Variants in TRIM10 observed in about 807,000 individuals in gnomAD.
TRIM10 encodes tripartite motif containing 10, also known as tripartite motif-containing protein 10.
TRIM10 carries 42 observed loss-of-function variants against 40.0 expected under a neutral mutation model. The observed-to-expected ratio is 1.05, with a 90% confidence interval of 0.82 to 1.36. TRIM10 has a LOEUF of 1.36. Ranked by LOEUF, TRIM10 falls within the 40% of genes most tolerant of loss-of-function variation. The probability of loss-of-function intolerance (pLI) is 0.00; values close to 1 mark genes in which losing one functional copy is unlikely to be tolerated. For missense variants in TRIM10, 601 were observed against 608.3 expected (o/e 0.99, Z 0.13); for synonymous variants, 260 against 239.5 (o/e 1.09, Z -0.79).
chr6:30,160,156 A>G (rs1477188342), intron 1 of TRIM10, among the ~76,000 whole-genome samples: 2 of 152,196 alleles, frequency 1.3e-5, no homozygotes, highest in African/African-American at 2.4e-5. Flanking sequence ...CACCTGATCC[A>G]TGGCACAGAC....
Position 30,160,749 on chromosome 6 carries a change from C to A in TRIM10, c.110G>T (p.Arg37Leu). 6.2e-7 allele frequency: 1 copy of A among 1,614,164 alleles called. No individual in the cohort carries two copies. Residue 37 changes from arginine (R) to leucine (L), a missense_variant, in exon 1 of 7, where the codon CGG (arginine) becomes CTG (leucine). Physicochemically the swap from Arg to Leu is moderately radical, Grantham distance 102. Coordinates refer to ENST00000449742, the MANE Select transcript of TRIM10 (RefSeq NM_006778.4). ...VTIDCGHNFC[R>L]ACLTRYCEIP... ...CTCACAGTAGCGGGTAAGGCAGGCC[C>A]GGCAGAAGTTGTGGCCGCAGTCGAT... is the stretch of plus-strand genomic sequence containing the variant.
chr6:30,158,216 GC>G (rs1222766424), intron 3 of TRIM10, among the ~76,000 whole-genome samples, 182 bp downstream of exon 3: 3 of 152,172 alleles, frequency 2.0e-5, no homozygotes, highest in South Asian at 4.1e-4. Context: ...AGACCAGAGA[GC>G]AAAAAGTGAC....
At chr6:30,162,637 G>C (rs902873974), upstream of TRIM10, among the ~76,000 whole-genome samples, 2 of 152,194 alleles carry the variant, frequency 1.3e-5, no homozygotes, top group African/African-American at 4.8e-5. Context: ...TGAGGTGTGG[G>C]AGGAGCGTAG....
In TRIM10 at chr6:30,158,636, GGGCAGGA is replaced by G; in HGVS notation, c.526-14_526-8del. ...TCTTGGTGGACACCTGAGTCTGAGG[GGGCAGGA>G]GGCAAGCCCAAGAGAAAGTTTGCTT... On this transcript the variant is annotated splice_region_variant and splice_polypyrimidine_tract_variant and intron_variant, in intron 2 of 6. Transcript: ENST00000449742. 1 of 1,611,894 alleles carries G rather than the reference GGGCAGGA, an allele frequency of 6.2e-7. No individual in the cohort carries two copies. Among genetic ancestry groups the G allele is most frequent in the South Asian group, 1.1e-5 (1 of 91,038 alleles).
chr6:30,159,082 G>T, intron 2 of TRIM10, 68 bp downstream of exon 2: 2 of 1,014,406 alleles, frequency 2.0e-6, no homozygotes, highest in Non-Finnish European at 3.1e-6. Flanking sequence ...AATCTATGTT[G>T]CCTCAGTTTC....
intron 1 of TRIM10, among the ~76,000 whole-genome samples, chr6:30,159,544 T>C (rs1772885638): frequency 6.6e-6 from 1 of 152,186 alleles, no homozygotes; most frequent in Non-Finnish European, 1.5e-5. Flanking sequence ...GTGTTTTGCT[T>C]CGGGTAAGTG....
Position 30,160,415 on chromosome 6 carries a change from G to C in TRIM10, c.429+15C>G. 6.2e-7 allele frequency: 1 copy of C among 1,608,306 alleles called. No individual in the cohort carries two copies. On this transcript the variant is annotated intron_variant, in intron 1 of 6. Coordinates refer to ENST00000449742, the MANE Select transcript of TRIM10 (RefSeq NM_006778.4). ...GTCCAGTCCACCCTGGGATCCCCCA[G>C]TTCCCCTTTCCTACCCTATAGGGAG...
At chr6:30,163,541 C>CCTCTCTCT, upstream of TRIM10, 3 of 1,080,830 alleles carry the variant, frequency 2.8e-6, no homozygotes, top group South Asian at 1.8e-5. Context: ...GGCATTCTTG[C>CCTCTCTCT]CTCTCTCTCT....
At chr6:30,157,334 A>G (rs1039886609) in intron 4 of TRIM10, 35 bp downstream of exon 4, 2 of 1,564,922 alleles carry the variant, frequency 1.3e-6, no homozygotes, top group Non-Finnish European at 1.7e-6. Context: ...GTATATTTAT[A>G]TGGAAAAAGA....
At position 30,154,091 on chromosome 6, in the gene TRIM10, C is replaced by T. The variant is rs755372458; in HGVS notation, c.1324G>A (p.Val442Met). Residue 442 changes from valine to methionine, a missense_variant, in exon 7 of 7, where the codon GTG becomes ATG. Transcript: ENST00000449742. The stretch of plus-strand genomic sequence containing the variant: ...CGGGTGACAGCGTTGGTGAAGGTCA[C>T]CCAGCCCACCTCATAGTCAAGAGAC... ...RVSLDYEVGW[V>M]TFTNAVTREP... 6 of 1,612,916 alleles carry T rather than the reference C, an allele frequency of 3.7e-6. No individual in the cohort carries two copies. The highest frequency in any genetic ancestry group is 5.1e-6 in the Non-Finnish European group (6 of 1,180,008).
At position 30,160,889 on chromosome 6, in the gene TRIM10, C is replaced by A; in HGVS notation, c.-31G>T. On this transcript the variant is annotated 5_prime_UTR_variant, in exon 1 of 7. Coordinates refer to ENST00000449742, the MANE Select transcript of TRIM10 (RefSeq NM_006778.4). ...TCCTGCTGCTATGGCTTCCTCAAGG[C>A]CACTCTCTCTGCTTGGCCACGGGGG... 1.3e-6 allele frequency: 2 copies of A among 1,565,592 alleles called. No individual in the cohort carries two copies. Among genetic ancestry groups the A allele is most frequent in the South Asian group, 1.2e-5 (1 of 85,194 alleles).
upstream of TRIM10, chr6:30,163,826 G>A (rs765087645): frequency 3.1e-6 from 5 of 1,612,928 alleles, no homozygotes; most frequent in Admixed American, 1.7e-5. Context: ...CCAGATGGGG[G>A]CCCAATCCTC....
In TRIM10 at chr6:30,154,500, C is replaced by A; in HGVS notation, c.929-14G>T. ...GAGAAATGTGAGCTGTGGGGATAAC[C>A]AAAAGGGACAGATGTCAGCAGACAT... On this transcript the variant is annotated splice_polypyrimidine_tract_variant and intron_variant, in intron 6 of 6. Coordinates refer to ENST00000449742, the MANE Select transcript of TRIM10 (RefSeq NM_006778.4). 1 of 1,606,104 alleles carries A rather than the reference C, an allele frequency of 6.2e-7. No individual in the cohort carries two copies. Among genetic ancestry groups the A allele is most frequent in the South Asian group, 1.1e-5 (1 of 90,916 alleles).
upstream of TRIM10, among the ~76,000 whole-genome samples, chr6:30,161,841 T>A (rs1773116450): frequency 6.6e-6 from 1 of 152,200 alleles, no homozygotes; most frequent in Non-Finnish European, 1.5e-5. Flanking sequence ...ATAAAAATAG[T>A]CTAAACAGGT....
At position 30,160,346 on chromosome 6, in the gene TRIM10, G is replaced by T. The variant is rs1342582156; in HGVS notation, c.429+84C>A. ...AGTAAGGAGAAAGAATTTGGCCTCC[G>T]GGTGGCCTAAATAATCCACAACTCT... On this transcript the variant is annotated intron_variant, in intron 1 of 6. Transcript: ENST00000449742. The T allele has an allele frequency of 6.8e-6, 10 of 1,470,010 alleles. No individual in the cohort carries two copies. In the South Asian group the frequency reaches 1.4e-4, roughly 20 times the overall value. 91.1% of individuals were successfully genotyped at this position (1,470,010 alleles called of 1,614,324 possible). A position where few individuals can be genotyped will look rare whatever the true frequency, so the allele number is the denominator to read the frequency against.
chr6:30,163,743 CG>C (rs1445048467), upstream of TRIM10: 1 of 1,612,866 alleles, frequency 6.2e-7, no homozygotes. Context: ...ACCCTCTGTG[CG>C]GGGCCGCTGG....
In TRIM10 at chr6:30,157,295, G is replaced by A. The variant is rs1036690532; in HGVS notation, c.779+74C>T. 4 of 1,363,210 alleles carry A rather than the reference G, an allele frequency of 2.9e-6. No individual in the cohort carries two copies. The African/African-American group carries it at 4.4e-5, about 15-fold the overall frequency. 84.4% of individuals were successfully genotyped at this position (1,363,210 alleles called of 1,614,324 possible). A position where few individuals can be genotyped will look rare whatever the true frequency, so the allele number is the denominator to read the frequency against. On this transcript the variant is annotated intron_variant, in intron 4 of 6. Coordinates refer to ENST00000449742, the MANE Select transcript of TRIM10 (RefSeq NM_006778.4). ...AAGTGAGAATGTTATATACCTGTGTGGCAATAACTAGGCATGCAGTACATG... is the reference window on the plus strand; with the variant it reads ...AAGTGAGAATGTTATATACCTGTGTAGCAATAACTAGGCATGCAGTACATG...
chr6:30,154,134 C>T lies in TRIM10; in HGVS notation c.1281G>A (p.Gln427=). The T allele has an allele frequency of 1.9e-6, 3 of 1,613,020 alleles. No individual in the cohort carries two copies. The highest frequency in any genetic ancestry group is 2.5e-6 in the Non-Finnish European group (3 of 1,179,958). Residue 427 remains glutamine, a synonymous_variant, in exon 7 of 7, where the codon CAG becomes CAA. Transcript: ENST00000449742. ...CAAGAGACACCCTCACCTGCCGGGG[C>T]TGCTCCTTCAGGGTCAGCCGTGTGG... ...SFPTRLTLKE[Q]PRQVRVSLDY... is the part of the protein sequence containing the mutation.
chr6:30,153,463 A>AG lies in TRIM10; in HGVS notation c.*505dup. 4 of 555,618 alleles carry AG rather than the reference A, an allele frequency of 7.2e-6. No homozygotes were observed. The highest frequency in any genetic ancestry group is 3.8e-5 in the African/African-American group (2 of 53,130). 34.4% of individuals were successfully genotyped at this position (555,618 alleles called of 1,614,324 possible). A position where few individuals can be genotyped will look rare whatever the true frequency, so the allele number is the denominator to read the frequency against. Reference sequence around the variant, plus strand: ...CCAAGAGCTCTTTCAGATATAGAGCAGGTTTTTTTTTTCTCTATATTTTCA... The same window carrying AG: ...CCAAGAGCTCTTTCAGATATAGAGCAGGGTTTTTTTTTTCTCTATATTTTCA... On this transcript the variant is annotated 3_prime_UTR_variant, in exon 7 of 7. Transcript: ENST00000449742.
Sources: allele counts gnomAD v4.1 joint callset (sites outside exome capture counted in the v4.1 genomes callset), GRCh38; gene constraint gnomAD v4.1.1; transcripts MANE v1.5; gene names NCBI Gene and HGNC (gene_info 2026-07-23, HGNC 2026-07-21).